Variants in DLC1 observed in about 807,000 individuals in gnomAD.
DLC1 encodes DLC1 Rho GTPase activating protein.
A neutral mutation model predicts 140.3 loss-of-function variants in DLC1; 54 were observed. The observed-to-expected ratio is 0.38, with a 90% CI of 0.31 to 0.48. The LOEUF is 0.48. Among genes scored for constraint, DLC1 ranks in the 20% least tolerant of loss-of-function variants. The pLI, the probability that DLC1 is intolerant of heterozygous loss-of-function variation, is 0.96. For synonymous variants in DLC1, 986 were observed against 728.1 expected, an observed-to-expected ratio of 1.35 and a Z score of -5.70; for missense variants, 2,536 against 1,907.0, an observed-to-expected ratio of 1.33 and a Z score of -6.14.
chr8:13,184,219 A>T (rs1826212827), intron 5 of DLC1, among the ~76,000 whole-genome samples: 3 of 151,964 alleles, frequency 2.0e-5, no homozygotes, highest in East Asian at 3.9e-4. Flanking sequence ...CTTCTTTATT[A>T]GTCTTGCTAG....
intron 1 of DLC1, among the ~76,000 whole-genome samples, chr8:13,554,608 C>G (rs1803977389): frequency 6.6e-6 from 1 of 152,156 alleles, no homozygotes; most frequent in Admixed American, 6.5e-5. Context: ...TTCTTTTTCT[C>G]ACACCTCATT....
chr8:13,382,969 C>T (rs1353506787), intron 4 of DLC1, among the ~76,000 whole-genome samples: 1 of 152,116 alleles, frequency 6.6e-6, no homozygotes, highest in African/African-American at 2.4e-5. Context: ...AAGAAATACA[C>T]AAAGTTGAAA....
intron 4 of DLC1, among the ~76,000 whole-genome samples, chr8:13,381,775 G>T (rs1184499137): frequency 2.0e-5 from 3 of 152,118 alleles, no homozygotes; most frequent in African/African-American, 4.8e-5. Context: ...CAAACCATGG[G>T]ACATAATAGA....
intron 13 of DLC1, among the ~76,000 whole-genome samples, chr8:13,092,266 C>A (rs967711853): frequency 6.6e-6 from 1 of 152,124 alleles, no homozygotes; most frequent in Non-Finnish European, 1.5e-5. Flanking sequence ...TTTAAACATA[C>A]ATTTAAACAT....
chr8:13,087,263 G>T (rs552852100), intron 16 of DLC1, among the ~76,000 whole-genome samples: 1 of 152,230 alleles, frequency 6.6e-6, no homozygotes, highest in African/African-American at 2.4e-5. Flanking sequence ...TTAGCCAGGT[G>T]TGATGGCACA....
At chr8:13,500,291 G>T in intron 1 of DLC1, 95 bp from the exon 2 acceptor site, 1 of 433,424 alleles carries the variant, frequency 2.3e-6, no homozygotes, top group Non-Finnish European at 4.1e-6. Context: ...TGCTATCAAA[G>T]TTAAGAGATT....
At chr8:13,270,661 C>T (rs1830893670) in intron 5 of DLC1, among the ~76,000 whole-genome samples, 1 of 152,214 alleles carries the variant, frequency 6.6e-6, no homozygotes, top group Admixed American at 6.5e-5. Context: ...AAGTCACCTC[C>T]AGTAGATCCT....
intron 4 of DLC1, among the ~76,000 whole-genome samples, chr8:13,337,237 C>T (rs1253960317): frequency 1.3e-5 from 2 of 152,110 alleles, no homozygotes; most frequent in Non-Finnish European, 2.9e-5. Context: ...GATATCATTT[C>T]CATAACACAC....
intron 5 of DLC1, among the ~76,000 whole-genome samples, chr8:13,122,608 C>T (rs1371338469): frequency 6.6e-6 from 1 of 152,054 alleles, no homozygotes; most frequent in African/African-American, 2.4e-5. Context: ...TACGCAGTTG[C>T]CAAAGACTGG....
chr8:13,129,023 T>C (rs899450663), intron 5 of DLC1, among the ~76,000 whole-genome samples: 1 of 148,880 alleles, frequency 6.7e-6, no homozygotes, highest in Non-Finnish European at 1.5e-5. Flanking sequence ...ATCATGGTAA[T>C]CCCTAATAAC....
chr8:13,214,956 C>G (rs936804417), intron 5 of DLC1, among the ~76,000 whole-genome samples: 1 of 152,146 alleles, frequency 6.6e-6, no homozygotes. Flanking sequence ...GCCCATTTAA[C>G]CACGTAACCA....
At chr8:13,390,082 A>G (rs1836683235) in intron 4 of DLC1, among the ~76,000 whole-genome samples, 1 of 152,118 alleles carries the variant, frequency 6.6e-6, no homozygotes, top group South Asian at 2.1e-4. Flanking sequence ...TATCTGTTTA[A>G]TCTCTCATAG....
intron 5 of DLC1, among the ~76,000 whole-genome samples, chr8:13,201,907 C>G (rs1400391317): frequency 1.4e-5 from 2 of 139,922 alleles, no homozygotes; most frequent in Middle Eastern, 4.2e-3. Flanking sequence ...GGTACTAAGT[C>G]TAGTACCCAA....
intron 2 of DLC1, among the ~76,000 whole-genome samples, chr8:13,433,426 C>G (rs1036733766): frequency 6.6e-6 from 1 of 152,136 alleles, no homozygotes; most frequent in Non-Finnish European, 1.5e-5. Flanking sequence ...CATGGATTAA[C>G]AGCTAAACTT....
intron 2 of DLC1, among the ~76,000 whole-genome samples, chr8:13,453,552 ATATATTTTTTT>A (rs1308536026): frequency 9.2e-5 from 7 of 75,802 alleles, no homozygotes; most frequent in South Asian, 7.7e-4. Flanking sequence ...ATATATATAT[ATATATTTTTTT>A]TTTTTTTTTT....
At chr8:13,472,277 A>G (rs576912753) in intron 2 of DLC1, among the ~76,000 whole-genome samples, 79 of 152,330 alleles carry the variant, frequency 5.2e-4, no homozygotes, top group Non-Finnish European at 7.5e-4. Flanking sequence ...GTACAGATTT[A>G]AATGCGTGTA....
At chr8:13,191,006 G>T (rs1227108983) in intron 5 of DLC1, among the ~76,000 whole-genome samples, 1 of 151,782 alleles carries the variant, frequency 6.6e-6, no homozygotes, top group Admixed American at 6.6e-5. Context: ...GGAGTGCTGG[G>T]GGATTATATT....
At chr8:13,432,124 A>G (rs1838908801) in intron 2 of DLC1, among the ~76,000 whole-genome samples, 2 of 152,228 alleles carry the variant, frequency 1.3e-5, no homozygotes, top group Admixed American at 6.5e-5. Flanking sequence ...AACAAAATCT[A>G]AAATCACACA....
At chr8:13,244,167 C>G (rs1176590629) in intron 5 of DLC1, among the ~76,000 whole-genome samples, 1 of 152,162 alleles carries the variant, frequency 6.6e-6, no homozygotes, top group Non-Finnish European at 1.5e-5. Flanking sequence ...AGCTATACTT[C>G]CTTCCTTCAG....
Sources: gnomAD v4.1 joint callset for allele counts (sites outside exome capture counted in the v4.1 genomes callset) on GRCh38, gnomAD v4.1.1 for gene constraint, MANE v1.5 for transcripts, NCBI Gene and HGNC (gene_info 2026-07-23, HGNC 2026-07-21) for gene names.